PPP2R2D: variants seen among roughly 807,000 people sequenced by gnomAD.
PPP2R2D encodes the protein protein phosphatase 2 regulatory subunit Bdelta.
In PPP2R2D, 9 loss-of-function variants were observed where a neutral mutation model predicts 31.1. The ratio of observed to expected loss-of-function variants is 0.29; its 90% CI spans 0.17 to 0.51. PPP2R2D has a LOEUF of 0.51. Among genes scored for constraint, PPP2R2D ranks in the 20% least tolerant of loss-of-function variants. The pLI is 0.98. For missense variants in PPP2R2D, 391 were observed against 465.6 expected (o/e 0.84, Z 1.48); for synonymous variants, 179 against 172.6 (o/e 1.04, Z -0.29).
chr10:131,966,489 G>C, the PPP2R2D span: 2 of 152,186 alleles, frequency 1.3e-5, no homozygotes, highest in Non-Finnish European at 2.9e-5. Context: ...AATGTCTAAT[G>C]TTACAATCTA....
At chr10:131,962,813 C>T (rs1244959560), downstream of PPP2R2D, among the ~76,000 whole-genome samples, 1 of 152,238 alleles carries the variant, frequency 6.6e-6, no homozygotes, top group Non-Finnish European at 1.5e-5. Flanking sequence ...GGTGGCTGCA[C>T]TTCCGCCGAT....
downstream of PPP2R2D, among the ~76,000 whole-genome samples, chr10:131,963,961 G>A (rs189875350): frequency 1.8e-4 from 27 of 152,250 alleles, no homozygotes; most frequent in Middle Eastern, 3.4e-3. Context: ...CTCCCAAAGC[G>A]CCCACGTTGT....
intron 2 of PPP2R2D, among the ~76,000 whole-genome samples, chr10:131,914,640 AAG>A (rs1410737694): frequency 6.6e-6 from 1 of 152,200 alleles, no homozygotes; most frequent in East Asian, 1.9e-4. Flanking sequence ...TTTGTGGAGT[AAG>A]AGTGTTCTGG....
chr10:131,958,798 G>T lies in PPP2R2D; in HGVS notation c.*2835G>T, dbSNP rs373455838. On this transcript the variant is annotated 3_prime_UTR_variant, in exon 9 of 9. Coordinates refer to ENST00000455566, the MANE Select transcript of PPP2R2D (RefSeq NM_018461.5). ...AGATGGAGGTGTGTGCTGATCCCCCGTCCCCCTGTGGAGATGGAGGCGTGT... is the reference window on the plus strand; with the variant it reads ...AGATGGAGGTGTGTGCTGATCCCCCTTCCCCCTGTGGAGATGGAGGCGTGT... 9.7e-6 allele frequency: 1 copy of T among 103,302 alleles called. No homozygotes were observed. The highest frequency in any genetic ancestry group is 1.8e-5 in the Non-Finnish European group (1 of 55,438). 6.4% of individuals were successfully genotyped at this position (103,302 alleles called of 1,614,324 possible). A position where few individuals can be genotyped will look rare whatever the true frequency, so the allele number is the denominator to read the frequency against.
At chr10:131,933,052 T>G (rs1453783244) in intron 2 of PPP2R2D, among the ~76,000 whole-genome samples, 1 of 152,196 alleles carries the variant, frequency 6.6e-6, no homozygotes, top group Non-Finnish European at 1.5e-5. Context: ...ACATAATATT[T>G]TAGTTTCATT....
At chr10:131,922,877 T>G (rs1389896438) in intron 2 of PPP2R2D, among the ~76,000 whole-genome samples, 3 of 152,226 alleles carry the variant, frequency 2.0e-5, no homozygotes, top group African/African-American at 4.8e-5. Flanking sequence ...TTTTGTTTGT[T>G]GGTTATTTTT....
chr10:131,939,564 T>C (rs12770607), intron 3 of PPP2R2D, among the ~76,000 whole-genome samples: 2,969 of 69,352 alleles, frequency 0.043, 585 homozygotes, highest in African/African-American at 0.15. Context: ...CGGCAGGCTG[T>C]ATTTGGCAGA....
At chr10:131,951,471 G>A (rs1302465867) in intron 8 of PPP2R2D, among the ~76,000 whole-genome samples, 3 of 152,244 alleles carry the variant, frequency 2.0e-5, no homozygotes, top group Non-Finnish European at 4.4e-5. Context: ...GGAGGAATGC[G>A]TACGGTGCAA....
intron 2 of PPP2R2D, among the ~76,000 whole-genome samples, chr10:131,915,074 T>G (rs529847571): frequency 6.6e-6 from 1 of 151,734 alleles, no homozygotes; most frequent in Non-Finnish European, 1.5e-5. Context: ...TTGTCATGTT[T>G]GAAAATACCT....
Position 131,959,024 on chromosome 10 carries a change from C to T in PPP2R2D, c.*3061C>T, listed in dbSNP as rs555001812. ...GAAGGCGTGTGCTGATCCCCCATCC[C>T]CCTGTGGAGATGAAGGCGTGTGCTC... On this transcript the variant is annotated 3_prime_UTR_variant, in exon 9 of 9. Transcript: ENST00000455566. 485 of 130,500 alleles carry T rather than the reference C, an allele frequency of 3.7e-3. 5 individuals are homozygous for T. The highest frequency in any genetic ancestry group is 2.1e-3 in the Non-Finnish European group (135 of 65,276). 8.1% of individuals were successfully genotyped at this position (130,500 alleles called of 1,614,324 possible).
At chr10:131,914,167 AG>A (rs1300602338) in intron 2 of PPP2R2D, among the ~76,000 whole-genome samples, 2 of 152,234 alleles carry the variant, frequency 1.3e-5, no homozygotes, top group Non-Finnish European at 2.9e-5. Flanking sequence ...GTGGGTGGTG[AG>A]TAAAAGAGTT....
At position 131,901,042 on chromosome 10, in the gene PPP2R2D, C is replaced by CGCCGGCGGT. The variant is rs1319467167; in HGVS notation, c.-106_-105insCCGGCGGTG. On this transcript the variant is annotated 5_prime_UTR_variant, in exon 1 of 9. Coordinates refer to ENST00000455566, the MANE Select transcript of PPP2R2D (RefSeq NM_018461.5). ...TCCCCGGCGGCGGCGGCGGCGGCGG[C>CGCCGGCGGT]GGCGCCGGCGGTGGTGGCGGCCCCG... 1.9e-5 allele frequency: 3 copies of CGCCGGCGGT among 160,456 alleles called. No individual in the cohort carries two copies. The highest frequency in any genetic ancestry group is 4.0e-5 in the Non-Finnish European group (3 of 75,854). The allele number at this position is 160,456 out of a possible 1,614,324, so 9.9% of individuals were successfully genotyped here.
chr10:131,915,039 A>G (rs1472406232), intron 2 of PPP2R2D, among the ~76,000 whole-genome samples: 5 of 151,920 alleles, frequency 3.3e-5, no homozygotes, highest in African/African-American at 1.2e-4. Context: ...GTTTTCTGGA[A>G]TTTTAATGGT....
At chr10:131,926,780 G>A (rs1430688526) in intron 2 of PPP2R2D, among the ~76,000 whole-genome samples, 1 of 152,258 alleles carries the variant, frequency 6.6e-6, no homozygotes, top group Non-Finnish European at 1.5e-5. Context: ...TATGCACACA[G>A]CTCTGCCAGG....
intron 3 of PPP2R2D, among the ~76,000 whole-genome samples, chr10:131,938,669 C>T (rs1026829015): frequency 6.6e-6 from 1 of 152,244 alleles, no homozygotes; most frequent in Admixed American, 6.5e-5. Context: ...ACGTAAGCAG[C>T]ACCTCACTCT....
intron 3 of PPP2R2D, among the ~76,000 whole-genome samples, chr10:131,938,504 A>T (rs907873480): frequency 1.3e-5 from 2 of 152,166 alleles, no homozygotes; most frequent in South Asian, 4.2e-4. Flanking sequence ...ATACAGATGA[A>T]GCTCCTGTTG....
chr10:131,964,415 A>G (rs1554901911), downstream of PPP2R2D, among the ~76,000 whole-genome samples: 1 of 151,404 alleles, frequency 6.6e-6, no homozygotes, highest in Non-Finnish European at 1.5e-5. Context: ...TTGGAGGATC[A>G]TTGCTTCCAG....
intron 2 of PPP2R2D, among the ~76,000 whole-genome samples, chr10:131,918,029 C>A: frequency 7.4e-6 from 1 of 135,474 alleles, no homozygotes; most frequent in South Asian, 2.6e-4. Context: ...AGTGTAGGGA[C>A]CTCAGGCGGG....
intron 2 of PPP2R2D, among the ~76,000 whole-genome samples, chr10:131,916,156 C>A (rs1231820830): frequency 3.3e-5 from 5 of 152,186 alleles, no homozygotes. Flanking sequence ...TGGCCACGCG[C>A]CCTGATAACC....
Sources: gnomAD v4.1 joint callset for allele counts (sites outside exome capture counted in the v4.1 genomes callset) on GRCh38, gnomAD v4.1.1 for gene constraint, MANE v1.5 for transcripts, NCBI Gene and HGNC (gene_info 2026-07-23, HGNC 2026-07-21) for gene names.